The following WWOX variants were observed in gnomAD, a reference collection of about 807,000 sequenced individuals.
WWOX encodes WW domain containing oxidoreductase, also known as WW domain-containing oxidoreductase.
A neutral mutation model predicts 46.2 loss-of-function variants in WWOX; 69 were observed. The ratio of observed to expected loss-of-function variants is 1.49; its 90% CI spans 1.23 to 1.82. WWOX has a LOEUF of 1.82. Ranked by LOEUF, WWOX falls within the 40% of genes most tolerant of loss-of-function variation. The probability of loss-of-function intolerance (pLI) is 0.00; values close to 1 mark genes in which losing one functional copy is unlikely to be tolerated. For synonymous variants in WWOX, 359 were observed against 202.6 expected, an observed-to-expected ratio of 1.77 and a Z score of -6.56; for missense variants, 919 against 542.6, an observed-to-expected ratio of 1.69 and a Z score of -6.89.
chr16:78,855,531 G>T (rs990250112), intron 8 of WWOX, among the ~76,000 whole-genome samples: 3 of 152,150 alleles, frequency 2.0e-5, no homozygotes, highest in African/African-American at 4.8e-5. Flanking sequence ...ATTTGTAAAT[G>T]TGGCAGACAA....
At chr16:78,785,645 T>C (rs2142571029) in intron 8 of WWOX, among the ~76,000 whole-genome samples, 1 of 152,370 alleles carries the variant, frequency 6.6e-6, no homozygotes, top group South Asian at 2.1e-4. Context: ...TGCTGCGCTA[T>C]TATATCCATT....
chr16:79,023,429 G>A (rs2047574777), intron 8 of WWOX, among the ~76,000 whole-genome samples: 1 of 152,142 alleles, frequency 6.6e-6, no homozygotes. Context: ...GAGGACAAAA[G>A]GATGGGGCTG....
intron 8 of WWOX, among the ~76,000 whole-genome samples, chr16:78,494,273 T>C (rs2667585): frequency 0.74 from 112,905 of 152,018 alleles, 44,297 homozygotes; most frequent in Admixed American, 0.87. Context: ...AGAGAACAGA[T>C]TAGCCCCCTA....
At chr16:78,510,141 C>A (rs2085326168) in intron 8 of WWOX, among the ~76,000 whole-genome samples, 1 of 152,074 alleles carries the variant, frequency 6.6e-6, no homozygotes, top group Admixed American at 6.5e-5. Context: ...AAAGAAGTTA[C>A]TTAGGAGTCA....
chr16:78,917,588 T>C (rs1375426802), intron 8 of WWOX, among the ~76,000 whole-genome samples: 1 of 152,162 alleles, frequency 6.6e-6, no homozygotes, highest in East Asian at 1.9e-4. Flanking sequence ...ATCAAACATA[T>C]TTTCATTCTT....
intron 8 of WWOX, among the ~76,000 whole-genome samples, chr16:78,990,672 A>G (rs1597245957): frequency 6.6e-6 from 1 of 152,126 alleles, no homozygotes; most frequent in East Asian, 1.9e-4. Flanking sequence ...AAGGAAAAAG[A>G]GAGAGGGAGA....
intron 8 of WWOX, among the ~76,000 whole-genome samples, chr16:78,880,809 A>G (rs1272793450): frequency 5.3e-5 from 8 of 152,190 alleles, no homozygotes; most frequent in Non-Finnish European, 8.8e-5. Flanking sequence ...TGTTTTCCCA[A>G]CATGGGAGTA....
chr16:78,310,122 G>A (rs2080212147), intron 5 of WWOX, among the ~76,000 whole-genome samples: 1 of 149,934 alleles, frequency 6.7e-6, no homozygotes, highest in Admixed American at 6.7e-5. Context: ...TTGCCCCATT[G>A]TTTTAAACCC....
chr16:78,261,278 G>GATAC (rs1184751156), intron 5 of WWOX, among the ~76,000 whole-genome samples: 2,009 of 143,490 alleles, frequency 0.014, 83 homozygotes, highest in Admixed American at 0.073. Flanking sequence ...TAGATAGATA[G>GATAC]ATAGATACAT....
At chr16:78,424,128 T>C (rs2083020862) in intron 6 of WWOX, among the ~76,000 whole-genome samples, 1 of 146,232 alleles carries the variant, frequency 6.8e-6, no homozygotes, top group Non-Finnish European at 1.5e-5. Flanking sequence ...TTGTTTTTTT[T>C]TTTTTTGGAG....
intron 8 of WWOX, among the ~76,000 whole-genome samples, chr16:78,981,272 C>T (rs533918137): frequency 3.9e-5 from 6 of 152,146 alleles, no homozygotes; most frequent in Admixed American, 6.5e-5. Flanking sequence ...TCTGCGCTGG[C>T]TGATGCCTGA....
At chr16:79,155,607 C>G (rs927042027) in intron 8 of WWOX, among the ~76,000 whole-genome samples, 2 of 152,124 alleles carry the variant, frequency 1.3e-5, no homozygotes, top group East Asian at 1.9e-4. Context: ...TCCCTCATCT[C>G]CAGCAGGGCT....
In WWOX at chr16:78,779,041, G is replaced by A. The variant is rs115066249; in HGVS notation, c.1056+346289G>A. Among the ~76,000 whole-genome samples, 937 of 152,280 alleles carry A rather than the reference G, an allele frequency of 6.2e-3. 14 individuals are homozygous for A. The highest frequency in any genetic ancestry group is 0.022 in the African/African-American group (905 of 41,544). On this transcript the variant is annotated intron_variant, in intron 8 of 8. Transcript: ENST00000566780. ...TAAAACCAATGAGCTTAATCTACTT[G>A]TGGAATGTTATAGCCGGAAGGGATT...
intron 8 of WWOX, among the ~76,000 whole-genome samples, chr16:78,691,878 G>A (rs1169854427): frequency 6.6e-6 from 1 of 152,178 alleles, no homozygotes; most frequent in African/African-American, 2.4e-5. Context: ...TTGTGGGAGG[G>A]ACCCAGGGGG....
At chr16:78,820,292 T>A (rs1442260121) in intron 8 of WWOX, among the ~76,000 whole-genome samples, 1 of 152,200 alleles carries the variant, frequency 6.6e-6, no homozygotes. Context: ...TTTCCATGTG[T>A]GACCCAAAGT....
intron 5 of WWOX, among the ~76,000 whole-genome samples, chr16:78,260,615 C>T (rs1279781668): frequency 6.7e-6 from 1 of 150,120 alleles, no homozygotes. Flanking sequence ...TTGCAGTGAG[C>T]CGAGATTGCA....
At chr16:78,605,012 C>T (rs2045721262) in intron 8 of WWOX, among the ~76,000 whole-genome samples, 1 of 125,950 alleles carries the variant, frequency 7.9e-6, no homozygotes, top group South Asian at 3.0e-4. Flanking sequence ...TTCCCTTTTT[C>T]CCTCCCTCTC....
chr16:78,705,640 G>T (rs1411879274), intron 8 of WWOX, among the ~76,000 whole-genome samples: 1 of 152,134 alleles, frequency 6.6e-6, no homozygotes, highest in Non-Finnish European at 1.5e-5. Context: ...AGCTGATGTT[G>T]TAGCTGTATG....
At chr16:78,938,330 G>C (rs2045784550) in intron 8 of WWOX, among the ~76,000 whole-genome samples, 1 of 152,198 alleles carries the variant, frequency 6.6e-6, no homozygotes, top group Admixed American at 6.5e-5. Context: ...TTCAGAGCTT[G>C]GCCTCCAAGT....
Sources: allele counts gnomAD v4.1 joint callset (sites outside exome capture counted in the v4.1 genomes callset), GRCh38; gene constraint gnomAD v4.1.1; transcripts MANE v1.5; gene names NCBI Gene and HGNC (gene_info 2026-07-23, HGNC 2026-07-21).